The following C1orf105 variants were observed in gnomAD, a reference collection of about 807,000 sequenced individuals.
C1orf105 encodes the protein uncharacterized protein C1orf105.
Under a neutral mutation model 20.8 loss-of-function variants are expected in C1orf105, and 17 were observed. The ratio of observed to expected loss-of-function variants is 0.82; its 90% CI spans 0.56 to 1.23. C1orf105 has a LOEUF of 1.23. C1orf105 is among the 50% of genes most tolerant of loss of function. C1orf105 has a pLI of 0.00. For synonymous variants in C1orf105, 72 were observed against 72.1 expected (o/e 1.00, Z 0.01); for missense variants, 219 against 213.5 (o/e 1.03, Z -0.16).
chr1:172,420,921 A>C lies in C1orf105; in HGVS notation c.21+15A>C, dbSNP rs1437482202. 4.4e-6 allele frequency: 7 copies of C among 1,599,226 alleles called. No homozygotes were observed. The highest frequency in any genetic ancestry group is 3.3e-5 in the South Asian group (3 of 90,556). ...GAGAACTAAAGGTAGGAAAAAAATA[A>C]ATGAAACTTCCAATTCTTTCCTTAT... On this transcript the variant is annotated intron_variant, in intron 1 of 6. Transcript: ENST00000367727.
At chr1:172,444,203 C>T in intron 1 of C1orf105, 1 of 986,126 alleles carries the variant, frequency 1.0e-6, no homozygotes, top group Non-Finnish European at 1.2e-6. Flanking sequence ...GAGACTGGCC[C>T]AAACCCGAAT....
At chr1:172,421,142 A>T (rs1000116275) in intron 1 of C1orf105, among the ~76,000 whole-genome samples, 1 of 152,154 alleles carries the variant, frequency 6.6e-6, no homozygotes, top group African/African-American at 2.4e-5. Context: ...GTTTGGAAAA[A>T]ATGTTGTACT....
intron 2 of C1orf105, among the ~76,000 whole-genome samples, chr1:172,447,969 A>C (rs1648198315): frequency 6.6e-6 from 1 of 152,236 alleles, no homozygotes; most frequent in South Asian, 2.1e-4. Flanking sequence ...TAGAAAGAAA[A>C]AATGTTCCAA....
chr1:172,467,957 C>T (rs994271071), intron 6 of C1orf105, among the ~76,000 whole-genome samples: 3 of 152,054 alleles, frequency 2.0e-5, no homozygotes, highest in Non-Finnish European at 4.4e-5. Flanking sequence ...TCTTTTGAAA[C>T]AAAAGTACTT....
intron 4 of C1orf105, among the ~76,000 whole-genome samples, chr1:172,459,616 G>T (rs544490119): frequency 2.1e-4 from 32 of 152,206 alleles, no homozygotes; most frequent in South Asian, 6.2e-4. Flanking sequence ...ATGTAAAACA[G>T]TACAGTTGCT....
intron 3 of C1orf105, among the ~76,000 whole-genome samples, chr1:172,452,388 A>T (rs1382995346): frequency 6.6e-6 from 1 of 152,216 alleles, no homozygotes; most frequent in Non-Finnish European, 1.5e-5. Context: ...GAAAAGAAAC[A>T]GAGGTGTTGA....
chr1:172,464,016 A>G (rs1045313596), intron 5 of C1orf105, among the ~76,000 whole-genome samples: 1 of 152,234 alleles, frequency 6.6e-6, no homozygotes, highest in Non-Finnish European at 1.5e-5. Flanking sequence ...CTTTTTAAGT[A>G]TCACTGCATA....
chr1:172,426,565 CTT>C (rs76551842), intron 1 of C1orf105, among the ~76,000 whole-genome samples: 12 of 147,974 alleles, frequency 8.1e-5, no homozygotes, highest in African/African-American at 2.7e-4. Context: ...TTTCAATGGT[CTT>C]TTTTTTTTTC....
rs901481851 is a variant in C1orf105 at position 172,429,219 on chromosome 1, AAT to A, written c.21+8317_21+8318del. ...AGGATTGCTGTGAGAAGTAAATACAAATATACACACACACACACACACACACA... is the reference window on the plus strand; with the variant it reads ...AGGATTGCTGTGAGAAGTAAATACAAATACACACACACACACACACACACA... On this transcript the variant is annotated intron_variant, in intron 1 of 6. Coordinates refer to ENST00000367727, the MANE Select transcript of C1orf105 (RefSeq NM_139240.4). 1.8e-3 allele frequency among the ~76,000 whole-genome samples: 184 copies of A among 102,214 alleles called. 1 individual carries two copies. Among genetic ancestry groups the A allele is most frequent in the African/African-American group, 7.3e-3 (179 of 24,634 alleles). 67.1% of individuals were successfully genotyped at this position (102,214 alleles called of 152,430 possible).
At chr1:172,462,275 C>A in intron 5 of C1orf105, 30 bp downstream of exon 5, 1 of 1,513,256 alleles carries the variant, frequency 6.6e-7, no homozygotes, top group Non-Finnish European at 9.1e-7. Flanking sequence ...CAGGACATGA[C>A]TTAATTCTTG....
At position 172,438,651 on chromosome 1, in the gene C1orf105, A is replaced by AT. The variant is rs536067340; in HGVS notation, c.22-6420dup. Among the ~76,000 whole-genome samples, 409 of 152,356 alleles carry AT rather than the reference A, an allele frequency of 2.7e-3. 2 individuals carry two copies. Among genetic ancestry groups the AT allele is most frequent in the African/African-American group, 9.1e-3 (377 of 41,580 alleles). ...AACAATTTTTAGAATATTACATGAA[A>AT]TTGTTATAAAGCAGTGGCAGGGTTT... On this transcript the variant is annotated intron_variant, in intron 1 of 6. Coordinates refer to ENST00000367727, the MANE Select transcript of C1orf105 (RefSeq NM_139240.4).
chr1:172,442,712 C>T (rs1647462272), intron 1 of C1orf105: 1 of 1,121,828 alleles, frequency 8.9e-7, no homozygotes, highest in South Asian at 1.5e-5. Flanking sequence ...TGAAATGAGA[C>T]CTCCCTGGAA....
intron 6 of C1orf105, 86 bp downstream of exon 6, chr1:172,465,449 C>G: frequency 2.0e-6 from 2 of 1,003,148 alleles, no homozygotes; most frequent in Middle Eastern, 2.1e-4. Context: ...AAAATAATTT[C>G]TAAATTTCCT....
intron 1 of C1orf105, among the ~76,000 whole-genome samples, chr1:172,437,731 A>T (rs964523454): frequency 2.6e-5 from 3 of 113,540 alleles, no homozygotes; most frequent in Admixed American, 8.7e-5. Context: ...CTTAAAGTAT[A>T]ATAATAATAA....
chr1:172,434,702 C>G (rs184532165), intron 1 of C1orf105, among the ~76,000 whole-genome samples: 2 of 151,888 alleles, frequency 1.3e-5, no homozygotes, highest in Non-Finnish European at 2.9e-5. Context: ...ACTAGAGAAG[C>G]AAAAGCAAAT....
intron 3 of C1orf105, among the ~76,000 whole-genome samples, chr1:172,451,943 G>A (rs992932115): frequency 7.4e-6 from 1 of 135,940 alleles, no homozygotes; most frequent in South Asian, 2.4e-4. Flanking sequence ...CACGATCTTG[G>A]CTCACTGCAA....
At chr1:172,434,782 A>C (rs1412955015) in intron 1 of C1orf105, among the ~76,000 whole-genome samples, 2 of 152,112 alleles carry the variant, frequency 1.3e-5, no homozygotes, top group Admixed American at 6.5e-5. Flanking sequence ...GACATAAAAA[A>C]CCCTTCAAAA....
chr1:172,465,278 T>C (rs756322343), intron 5 of C1orf105, 21 bp from the exon 6 acceptor site: 1 of 1,585,244 alleles, frequency 6.3e-7, no homozygotes, highest in South Asian at 1.1e-5. Flanking sequence ...ACTAATGTGT[T>C]TTCTTGTTTC....
intron 1 of C1orf105, chr1:172,431,423 C>A (rs1558125381): frequency 4.5e-6 from 1 of 223,872 alleles, no homozygotes; most frequent in East Asian, 8.9e-5. Context: ...GGCGCTAACT[C>A]TTCTCAATTT....
Sources: gnomAD v4.1 joint callset for allele counts (sites outside exome capture counted in the v4.1 genomes callset) on GRCh38, gnomAD v4.1.1 for gene constraint, MANE v1.5 for transcripts, NCBI Gene and HGNC (gene_info 2026-07-23, HGNC 2026-07-21) for gene names.